The following PLXNA2 variants were observed in gnomAD, a reference collection of about 807,000 sequenced individuals.
PLXNA2 encodes the protein plexin-A2.
In PLXNA2, 91 loss-of-function variants were observed where a neutral mutation model predicts 193.5. The observed-to-expected ratio is 0.47, with a 90% CI of 0.40 to 0.56. The LOEUF (loss-of-function observed/expected upper bound fraction) is 0.56. PLXNA2 is among the 20% of genes least tolerant of loss of function. The pLI, the probability that PLXNA2 is intolerant of heterozygous loss-of-function variation, is 0.00. For missense variants in PLXNA2, 1,995 were observed against 2,503.2 expected (o/e 0.80, Z 4.33); for synonymous variants, 997 against 1,027.3 (o/e 0.97, Z 0.56).
intron 1 of PLXNA2, among the ~76,000 whole-genome samples, chr1:208,218,604 C>T (rs1558251481): frequency 6.6e-6 from 1 of 152,200 alleles, no homozygotes; most frequent in Non-Finnish European, 1.5e-5. Flanking sequence ...CCCTGCTCTG[C>T]CCTCAGCCCT....
Position 208,028,810 on chromosome 1 carries a change from G to A in PLXNA2, c.5438+20C>T. ...GGCAGGGAGACAAGGGCATGGGCCT[G>A]TCCTGAGGGTGCTACTGACCTCTCC... On this transcript the variant is annotated intron_variant, in intron 30 of 31. Transcript: ENST00000367033. The surrounding 1 kb of genome is among the most constrained non-coding windows in gnomAD (Gnocchi z 4.2). 2 of 1,608,226 alleles carry A rather than the reference G, an allele frequency of 1.2e-6. No homozygotes were observed. The highest frequency in any genetic ancestry group is 4.5e-5 in the East Asian group (2 of 44,840).
At position 208,038,948 on chromosome 1, in the gene PLXNA2, G is replaced by A; in HGVS notation, c.4537C>T (p.Pro1513Ser). The A allele has an allele frequency of 6.2e-7, 1 of 1,614,062 alleles. No individual in the cohort carries two copies. Among genetic ancestry groups the A allele is most frequent in the Non-Finnish European group, 8.5e-7 (1 of 1,180,000 alleles). Residue 1513 changes from proline to serine, a missense_variant, in exon 25 of 32, where the codon CCA (proline) becomes TCA (serine). Coordinates refer to ENST00000367033, the MANE Select transcript of PLXNA2 (RefSeq NM_025179.4). This position sits in a 1 kb window ranked among gnomAD's most constrained non-coding sequence, Gnocchi z 4.1. ...TTTAACACCTTCACTGGGATCTCTG[G>A]ACTGTTCTCGTTGTCAGGGTTGACG... Reference protein sequence around the residue: ...NCVNPDNENSPEIPVKVLNCD... With the variant: ...NCVNPDNENSSEIPVKVLNCD...
chr1:208,055,683 A>G (rs576766839), intron 13 of PLXNA2, among the ~76,000 whole-genome samples: 1 of 152,130 alleles, frequency 6.6e-6, no homozygotes, highest in African/African-American at 2.4e-5. Context: ...TGTTTAACCG[A>G]GCGATGCTTA....
chr1:208,122,184 C>T (rs1486518567), intron 4 of PLXNA2, among the ~76,000 whole-genome samples: 2 of 152,192 alleles, frequency 1.3e-5, no homozygotes, highest in African/African-American at 2.4e-5. Flanking sequence ...AGATATCACC[C>T]ATAAACGGCT....
rs779259633 is a variant in PLXNA2 at position 208,242,905 on chromosome 1, G to T, written c.-81+738C>A. 2.6e-5 allele frequency among the ~76,000 whole-genome samples: 4 copies of T among 152,110 alleles called. 1 individual carries two copies. The South Asian group carries it at 8.3e-4, about 31-fold the overall frequency. ...GGGGTGGGGCAAGAAAGAGCACATGGAAGGAAACATTCTCAAATGGTTCAT... is the reference window on the plus strand; with the variant it reads ...GGGGTGGGGCAAGAAAGAGCACATGTAAGGAAACATTCTCAAATGGTTCAT... On this transcript the variant is annotated intron_variant, in intron 1 of 31. Coordinates refer to ENST00000367033, the MANE Select transcript of PLXNA2 (RefSeq NM_025179.4).
chr1:208,029,416 C>T, intron 29 of PLXNA2: 2 of 1,050,940 alleles, frequency 1.9e-6, no homozygotes, highest in South Asian at 6.7e-5. Context: ...TCCTGGAGTC[C>T]CTTCACAGTG....
At chr1:208,202,384 T>G (rs1670579109) in intron 3 of PLXNA2, among the ~76,000 whole-genome samples, 1 of 152,242 alleles carries the variant, frequency 6.6e-6, no homozygotes, top group African/African-American at 2.4e-5. Flanking sequence ...TTATGTCATT[T>G]AATCCTTACT....
At chr1:208,227,551 C>A (rs144412617) in intron 1 of PLXNA2, among the ~76,000 whole-genome samples, 39 of 152,292 alleles carry the variant, frequency 2.6e-4, no homozygotes, top group African/African-American at 8.4e-4. Flanking sequence ...TTTAGTAAGA[C>A]TTGGCAAGTA....
At chr1:208,189,867 A>T (rs911500010) in intron 3 of PLXNA2, among the ~76,000 whole-genome samples, 3 of 152,168 alleles carry the variant, frequency 2.0e-5, no homozygotes, top group African/African-American at 7.2e-5. Flanking sequence ...GCAGGCACTA[A>T]ATCAGCACGA....
In PLXNA2 at chr1:208,042,557, T is replaced by C. The variant is rs574792071; in HGVS notation, c.4018-191A>G. Among the ~76,000 whole-genome samples, 5 of 152,348 alleles carry C rather than the reference T, an allele frequency of 3.3e-5. No homozygotes were observed. The East Asian group carries it at 7.7e-4, about 24-fold the overall frequency. ...ACAGCTGGCTCTAAGGTCGACAGTC[T>C]GCTCTGACCTTGCACTGGGCCGGGG... On this transcript the variant is annotated intron_variant, in intron 21 of 31. Transcript: ENST00000367033.
intron 29 of PLXNA2, chr1:208,031,367 C>G: frequency 7.1e-7 from 1 of 1,402,322 alleles, no homozygotes; most frequent in Non-Finnish European, 9.3e-7. Context: ...AGGGTGCATC[C>G]TATTGCTGTG....
chr1:208,084,589 A>T lies in PLXNA2; in HGVS notation c.2098-9T>A, dbSNP rs969871176. 3.1e-6 allele frequency: 5 copies of T among 1,612,976 alleles called. No homozygotes were observed. In the African/African-American group the frequency reaches 5.3e-5, roughly 17 times the overall value. Reference sequence around the variant, plus strand: ...ACCAGCTGGGGACAGTCCTGGGGGAACAAACGAAGAGGCTCCATCTGTCCC... The same window carrying T: ...ACCAGCTGGGGACAGTCCTGGGGGATCAAACGAAGAGGCTCCATCTGTCCC... On this transcript the variant is annotated splice_polypyrimidine_tract_variant and intron_variant, in intron 9 of 31. Transcript: ENST00000367033.
chr1:208,035,763 T>C (rs1440370756), intron 26 of PLXNA2, among the ~76,000 whole-genome samples: 2 of 152,172 alleles, frequency 1.3e-5, no homozygotes, highest in African/African-American at 4.8e-5. Flanking sequence ...CATAAAACCA[T>C]CTTTCTGGGT....
chr1:208,211,692 CAAA>C (rs10561845), intron 2 of PLXNA2, among the ~76,000 whole-genome samples: 42 of 116,310 alleles, frequency 3.6e-4, no homozygotes, highest in African/African-American at 4.8e-4. Flanking sequence ...GACTCCGTCT[CAAA>C]AAAAAAAAAA....
chr1:208,046,796 TAGTGTGTGTG>T (rs1665082369), intron 17 of PLXNA2, among the ~76,000 whole-genome samples: 1 of 53,480 alleles, frequency 1.9e-5, no homozygotes, highest in African/African-American at 6.6e-5. Flanking sequence ...CAGAACAGCA[TAGTGTGTGTG>T]TGTGTGTGTG....
At chr1:208,118,338 G>A (rs893452543) in intron 4 of PLXNA2, among the ~76,000 whole-genome samples, 5 of 152,192 alleles carry the variant, frequency 3.3e-5, no homozygotes, top group Admixed American at 2.6e-4. Flanking sequence ...CTTTTGCAAC[G>A]AAAGTGGCCA....
intron 6 of PLXNA2, 34 bp downstream of exon 6, chr1:208,098,812 T>C: frequency 6.2e-7 from 1 of 1,608,980 alleles, no homozygotes; most frequent in Non-Finnish European, 8.5e-7. Flanking sequence ...TGCACTGTAT[T>C]CCCTCTCCCC....
intron 3 of PLXNA2, among the ~76,000 whole-genome samples, chr1:208,159,053 C>T (rs1438359137): frequency 3.3e-5 from 5 of 152,282 alleles, no homozygotes; most frequent in African/African-American, 4.8e-5. Context: ...GCTAGCTGGG[C>T]GATGGTCAAA....
intron 3 of PLXNA2, among the ~76,000 whole-genome samples, chr1:208,178,679 C>G (rs1669742593): frequency 6.6e-6 from 1 of 152,212 alleles, no homozygotes; most frequent in Non-Finnish European, 1.5e-5. Context: ...ATGTAAACAC[C>G]TGTATCCAGG....
Sources: allele counts gnomAD v4.1 joint callset (sites outside exome capture counted in the v4.1 genomes callset), GRCh38; gene constraint gnomAD v4.1.1; non-coding constraint Gnocchi (gnomAD v3.1); transcripts MANE v1.5; gene names NCBI Gene and HGNC (gene_info 2026-07-23, HGNC 2026-07-21).